Variants in EIF4ENIF1 observed in about 807,000 individuals in gnomAD.
The protein encoded by EIF4ENIF1 is eukaryotic translation initiation factor 4E transporter.
EIF4ENIF1 carries 23 observed loss-of-function variants against 110.5 expected under a neutral mutation model. That is an observed-to-expected ratio of 0.21 (90% CI 0.15 to 0.29). The LOEUF (loss-of-function observed/expected upper bound fraction) is 0.29. Ranked by LOEUF, EIF4ENIF1 falls within the 10% of genes least tolerant of loss-of-function variation. The pLI, the probability that EIF4ENIF1 is intolerant of heterozygous loss-of-function variation, is 1.00. For missense variants in EIF4ENIF1, 1,031 were observed against 1,221.1 expected, an observed-to-expected ratio of 0.84 and a Z score of 2.32; for synonymous variants, 440 against 437.0, an observed-to-expected ratio of 1.01 and a Z score of -0.09.
chr22:31,477,687 A>T (rs1253707481), intron 2 of EIF4ENIF1, among the ~76,000 whole-genome samples: 1 of 152,204 alleles, frequency 6.6e-6, no homozygotes, highest in Non-Finnish European at 1.5e-5. Context: ...CAGCAACATT[A>T]TTTGTGCCAG....
At position 31,472,057 on chromosome 22, in the gene EIF4ENIF1, G is replaced by A. The variant is rs73398226; in HGVS notation, c.97-140C>T. ...TTACATCTTGCCTTATTTCAGAAAGGACTGGAGTACATTGAGGTTCTCACA... is the reference window on the plus strand; with the variant it reads ...TTACATCTTGCCTTATTTCAGAAAGAACTGGAGTACATTGAGGTTCTCACA... On this transcript the variant is annotated intron_variant, in intron 2 of 18. Coordinates refer to ENST00000330125, the MANE Select transcript of EIF4ENIF1 (RefSeq NM_019843.4). 7.7e-6 allele frequency: 5 copies of A among 646,154 alleles called. No homozygotes were observed. The East Asian group carries it at 1.5e-4, about 19-fold the overall frequency. The allele number at this position is 646,154 out of a possible 1,614,324, so 40.0% of individuals were successfully genotyped here.
chr22:31,493,382 G>A (rs958124974), upstream of EIF4ENIF1, among the ~76,000 whole-genome samples: 1 of 151,958 alleles, frequency 6.6e-6, no homozygotes, highest in Non-Finnish European at 1.5e-5. Flanking sequence ...AGGCTAGAGT[G>A]CAGTGGCACA....
intron 2 of EIF4ENIF1, among the ~76,000 whole-genome samples, chr22:31,485,937 G>A (rs1213192645): frequency 1.3e-5 from 2 of 151,730 alleles, no homozygotes; most frequent in East Asian, 1.9e-4. Flanking sequence ...CAGTGAAACC[G>A]TCTCTACTAA....
chr22:31,444,528 G>T, intron 15 of EIF4ENIF1, 78 bp downstream of exon 15: 2 of 1,365,902 alleles, frequency 1.5e-6, no homozygotes, highest in Non-Finnish European at 2.1e-6. Flanking sequence ...GACATTTAGG[G>T]CACACAGTGG....
intron 2 of EIF4ENIF1, among the ~76,000 whole-genome samples, chr22:31,485,726 C>T (rs2051991435): frequency 6.6e-6 from 1 of 151,970 alleles, no homozygotes; most frequent in Non-Finnish European, 1.5e-5. Context: ...ATTGCTTGAA[C>T]CCGGGAAGCG....
chr22:31,492,294 C>T (rs1444456376), upstream of EIF4ENIF1, among the ~76,000 whole-genome samples: 1 of 152,184 alleles, frequency 6.6e-6, no homozygotes, highest in Non-Finnish European at 1.5e-5. Context: ...GGAGTCAGCA[C>T]GGCTACCCTA....
intron 16 of EIF4ENIF1, among the ~76,000 whole-genome samples, chr22:31,442,451 T>TTC (rs1358867351): frequency 1.3e-5 from 2 of 152,088 alleles, no homozygotes; most frequent in African/African-American, 4.8e-5. Context: ...ACCCCAAGCC[T>TTC]TCTCAAACAC....
intron 3 of EIF4ENIF1, among the ~76,000 whole-genome samples, chr22:31,470,629 A>AT (rs368844658): frequency 0.024 from 3,555 of 145,504 alleles, 127 homozygotes; most frequent in African/African-American, 0.084. Context: ...ATTAGCCTAC[A>AT]TTTTTTTTAA....
chr22:31,452,141 A>T (rs1357441119), intron 10 of EIF4ENIF1, among the ~76,000 whole-genome samples: 1 of 152,204 alleles, frequency 6.6e-6, no homozygotes, highest in Non-Finnish European at 1.5e-5. Flanking sequence ...TTGAACCAGC[A>T]TGTATTATTT....
At position 31,449,339 on chromosome 22, in the gene EIF4ENIF1, T is replaced by C; in HGVS notation, c.1768+9A>G. ...ATTCATATTTCTTTTGACAAATAAG[T>C]ATATTTACCAATTGGTGATGGTATT... On this transcript the variant is annotated intron_variant, in intron 12 of 18. Coordinates refer to ENST00000330125, the MANE Select transcript of EIF4ENIF1 (RefSeq NM_019843.4). The C allele has an allele frequency of 6.2e-7, 1 of 1,612,262 alleles. No homozygotes were observed. Among genetic ancestry groups the C allele is most frequent in the South Asian group, 1.1e-5 (1 of 90,918 alleles).
chr22:31,479,697 T>C (rs958101393), intron 2 of EIF4ENIF1, among the ~76,000 whole-genome samples: 2 of 151,662 alleles, frequency 1.3e-5, no homozygotes, highest in African/African-American at 4.8e-5. Flanking sequence ...GTTTTTTTTT[T>C]TTTTTTTTTA....
chr22:31,487,524 C>G (rs2052081402), intron 2 of EIF4ENIF1, among the ~76,000 whole-genome samples: 1 of 152,168 alleles, frequency 6.6e-6, no homozygotes, highest in Non-Finnish European at 1.5e-5. Context: ...AGGCCTGGCA[C>G]AGTGGCTCAC....
intron 2 of EIF4ENIF1, among the ~76,000 whole-genome samples, chr22:31,485,620 C>G (rs1351101130): frequency 6.6e-6 from 1 of 151,788 alleles, no homozygotes; most frequent in Admixed American, 6.6e-5. Context: ...CACCTGAGGT[C>G]AGGAGTTCAA....
At chr22:31,443,236 G>T in intron 15 of EIF4ENIF1, 142 bp from the exon 16 acceptor site, 2 of 1,234,460 alleles carry the variant, frequency 1.6e-6, no homozygotes, top group Non-Finnish European at 2.2e-6. Context: ...TTCTGTAGCT[G>T]CTGGAGGAAA....
upstream of EIF4ENIF1, among the ~76,000 whole-genome samples, chr22:31,491,917 C>G (rs575607431): frequency 4.2e-4 from 64 of 152,280 alleles, no homozygotes; most frequent in African/African-American, 1.5e-3. Flanking sequence ...AACAAACCAC[C>G]CCAGAATTCC....
intron 14 of EIF4ENIF1, chr22:31,446,985 G>A (rs1418601533): frequency 4.3e-6 from 2 of 468,548 alleles, no homozygotes; most frequent in Non-Finnish European, 8.8e-6. Context: ...CCTGCATCAA[G>A]GGAGTTTGAT....
chr22:31,442,923 A>G (rs201175873), intron 16 of EIF4ENIF1, 39 bp downstream of exon 16: 87 of 1,608,340 alleles, frequency 5.4e-5, no homozygotes, highest in Non-Finnish European at 7.0e-5. Context: ...TCTCCATCAC[A>G]TACTTTCTTG....
chr22:31,444,623 C>A lies in EIF4ENIF1; in HGVS notation c.2056G>T (p.Ala686Ser). The A allele has an allele frequency of 1.2e-6, 2 of 1,614,126 alleles. No homozygotes were observed. Among genetic ancestry groups the A allele is most frequent in the South Asian group, 1.1e-5 (1 of 91,078 alleles). ...TCACTGACCATGCTTGTGATGGAGG[C>A]AGCAGGGGCAGGGGAAGAGGAATTC... Reference protein sequence around the residue: ...RGNSSSPAPAASITSMLSPSF... With the variant: ...RGNSSSPAPASSITSMLSPSF... The change falls in exon 15 of 19, where the codon GCC (alanine) becomes TCC (serine). Residue 686 changes from alanine (A) to serine (S), a missense_variant. Ala to Ser is a moderately conservative substitution (Grantham distance 99). Transcript: ENST00000330125.
At chr22:31,470,999 T>G in intron 3 of EIF4ENIF1, among the ~76,000 whole-genome samples, 1 of 143,076 alleles carries the variant, frequency 7.0e-6, no homozygotes, top group Admixed American at 7.1e-5. Flanking sequence ...GCAAAAAGAG[T>G]GAAACTCTGT....
Sources: allele counts gnomAD v4.1 joint callset (sites outside exome capture counted in the v4.1 genomes callset), GRCh38; gene constraint gnomAD v4.1.1; transcripts MANE v1.5; gene names NCBI Gene and HGNC (gene_info 2026-07-23, HGNC 2026-07-21).